Variants in TTC17 observed in about 807,000 individuals in gnomAD.
TTC17 encodes the protein tetratricopeptide repeat protein 17.
A neutral mutation model predicts 143.8 loss-of-function variants in TTC17; 58 were observed. The observed-to-expected ratio is 0.40, with a 90% CI of 0.33 to 0.50. TTC17 has a LOEUF of 0.50. TTC17 is among the 20% of genes least tolerant of loss of function. The pLI is 0.49. For missense variants in TTC17, 1,273 were observed against 1,392.5 expected (o/e 0.91, Z 1.37); for synonymous variants, 501 against 497.8 (o/e 1.01, Z -0.09).
At chr11:43,422,825 T>G in intron 16 of TTC17, among the ~76,000 whole-genome samples, 1 of 152,146 alleles carries the variant, frequency 6.6e-6, no homozygotes, top group East Asian at 1.9e-4. Flanking sequence ...CAAGCAACTC[T>G]TAAGTTTTGC....
At position 43,401,671 on chromosome 11, in the gene TTC17, T is replaced by G. The variant is rs910661206; in HGVS notation, c.1332+113T>G. 8.2e-6 allele frequency: 6 copies of G among 729,982 alleles called. No homozygotes were observed. In the South Asian group the frequency reaches 1.2e-4, roughly 15 times the overall value. The allele number at this position is 729,982 out of a possible 1,614,324, so 45.2% of individuals were successfully genotyped here. On this transcript the variant is annotated intron_variant, in intron 10 of 23. Transcript: ENST00000039989. The stretch of plus-strand genomic sequence containing the variant: ...ATATTTGATCCCTAAAATTTGTGAT[T>G]GTCATTTAGATCTTTAAGATTTTGA...
At position 43,359,015 on chromosome 11, in the gene TTC17, T is replaced by G; in HGVS notation, c.61T>G (p.Trp21Gly). 1 of 1,590,684 alleles carries G rather than the reference T, an allele frequency of 6.3e-7. No individual in the cohort carries two copies. Among genetic ancestry groups the G allele is most frequent in the Non-Finnish European group, 8.6e-7 (1 of 1,169,570 alleles). ...GCTGCCGCCTTGCTCCGGCCCAGGCTGGCTCCTCAGCCTTTCCGCCTTGCT... is the reference window on the plus strand; with the variant it reads ...GCTGCCGCCTTGCTCCGGCCCAGGCGGGCTCCTCAGCCTTTCCGCCTTGCT... The part of the protein sequence containing the change: ...YELPPCSGPG[W>G]LLSLSALLSV... The change falls in exon 1 of 24, where the codon TGG (tryptophan) becomes GGG (glycine). Residue 21 changes from tryptophan to glycine, a missense_variant. This residue lies in a region of TTC17 where 70 missense variants were observed against 48.5 expected (regional missense o/e 1.44). Transcript: ENST00000039989.
At chr11:43,443,160 T>C (rs1947460082) in intron 16 of TTC17, among the ~76,000 whole-genome samples, 165 bp from the exon 17 acceptor site, 1 of 152,202 alleles carries the variant, frequency 6.6e-6, no homozygotes, top group Non-Finnish European at 1.5e-5. Context: ...AGTTGGTATT[T>C]TATTATGTAT....
chr11:43,398,523 C>G (rs1674339985), intron 8 of TTC17, among the ~76,000 whole-genome samples: 2 of 152,082 alleles, frequency 1.3e-5, no homozygotes, highest in Admixed American at 1.3e-4. Flanking sequence ...TATTTCTCCT[C>G]TTGGAGAGAG....
intron 21 of TTC17, among the ~76,000 whole-genome samples, chr11:43,488,860 C>G (rs1202080692): frequency 1.3e-5 from 2 of 151,990 alleles, no homozygotes; most frequent in Non-Finnish European, 2.9e-5. Flanking sequence ...ACCATCATGC[C>G]CAGCTGTATT....
chr11:43,441,879 T>C (rs1947429313), intron 16 of TTC17, among the ~76,000 whole-genome samples: 1 of 152,218 alleles, frequency 6.6e-6, no homozygotes, highest in Non-Finnish European at 1.5e-5. Flanking sequence ...CTTGGGTTAC[T>C]GGGTTTGCAG....
intron 16 of TTC17, chr11:43,435,073 AAGATGATAGATAGAT>A (rs1453439202): frequency 4.8e-5 from 7 of 145,234 alleles, no homozygotes; most frequent in African/African-American, 1.8e-4. Context: ...ACACACAGAT[AAGATGATAGATAGAT>A]AGATAGATAG....
chr11:43,365,421 A>G (rs1163253669), intron 1 of TTC17, among the ~76,000 whole-genome samples: 5 of 152,090 alleles, frequency 3.3e-5, no homozygotes, highest in Admixed American at 2.6e-4. Context: ...GGCAAGTGCC[A>G]CCACACCCAG....
chr11:43,470,340 C>A (rs1457580663), intron 21 of TTC17, among the ~76,000 whole-genome samples: 2 of 152,122 alleles, frequency 1.3e-5, no homozygotes, highest in African/African-American at 4.8e-5. Flanking sequence ...TAGAAGGGAA[C>A]AAATCAATTT....
chr11:43,451,196 C>T lies in TTC17; in HGVS notation c.2961C>T (p.Leu987=), dbSNP rs11551137. 0.092 allele frequency: 148,916 copies of T among 1,612,502 alleles called. 8,772 individuals carry two copies. Among genetic ancestry groups the T allele is most frequent in the Admixed American group, 0.28 (16,976 of 59,970 alleles). Residue 987 remains leucine (L), a synonymous_variant, in exon 21 of 24, where the codon CTC becomes CTT. Transcript: ENST00000039989. ...CTTCCTTCCAGGTATTACAAAATCT[C>T]GGCAAAGACCAATATCCACAACAGT... ...ESQLTEVLQN[L]GKDQYPQQSL... is the part of the protein sequence containing the mutation.
intron 16 of TTC17, among the ~76,000 whole-genome samples, chr11:43,422,533 G>A (rs1351027158): frequency 1.3e-5 from 2 of 152,130 alleles, no homozygotes; most frequent in Non-Finnish European, 2.9e-5. Context: ...GGGTATTCTA[G>A]CCAACATTTA....
chr11:43,397,872 A>G (rs1857668402), intron 7 of TTC17, 102 bp from the exon 8 acceptor site: 5 of 1,489,064 alleles, frequency 3.4e-6, no homozygotes, highest in Non-Finnish European at 2.7e-6. Flanking sequence ...GGACAGATGC[A>G]ACCAGGCCGT....
chr11:43,459,980 G>A lies in TTC17; in HGVS notation c.3030+8715G>A, dbSNP rs144883532. On this transcript the variant is annotated intron_variant, in intron 21 of 23. Coordinates refer to ENST00000039989, the MANE Select transcript of TTC17 (RefSeq NM_018259.6). ...ATTCAACTTAATATTTTCAGCTTAC[G>A]ATGGGTTTATCAAGACATAACCCCA... 4.1e-4 allele frequency among the ~76,000 whole-genome samples: 63 copies of A among 152,274 alleles called. No individual in the cohort carries two copies. In the South Asian group the frequency reaches 0.011, roughly 26 times the overall value.
At chr11:43,415,737 A>C (rs929097910) in intron 16 of TTC17, among the ~76,000 whole-genome samples, 7 of 152,196 alleles carry the variant, frequency 4.6e-5, no homozygotes, top group African/African-American at 9.6e-5. Flanking sequence ...ATTTTAATAG[A>C]GTGATAGACG....
intron 21 of TTC17, among the ~76,000 whole-genome samples, chr11:43,451,558 C>G (rs1947657926): frequency 6.6e-6 from 1 of 152,134 alleles, no homozygotes; most frequent in African/African-American, 2.4e-5. Flanking sequence ...ACCATGGAAT[C>G]TAGGTATATG....
rs576646371 is a variant in TTC17, at chr11:43,435,178, G to A, written c.2252-8147G>A. The A allele has an allele frequency of 4.6e-5, 7 of 152,254 alleles. No homozygotes were observed. In the East Asian group the frequency reaches 7.7e-4, roughly 17 times the overall value. The allele number at this position is 152,254 out of a possible 1,614,324, so 9.4% of individuals were successfully genotyped here. A position where few individuals can be genotyped will look rare whatever the true frequency, so the allele number is the denominator to read the frequency against. On this transcript the variant is annotated intron_variant, in intron 16 of 23. Transcript: ENST00000039989. ...ATTCTCTAAAAATTAAACATAGAAT[G>A]TGTTTGAATGTTCTGGTAAAGGAGA... is the stretch of plus-strand genomic sequence containing the variant.
intron 16 of TTC17, chr11:43,436,090 T>C: frequency 8.3e-7 from 1 of 1,203,852 alleles, no homozygotes; most frequent in Non-Finnish European, 1.0e-6. Context: ...CTTCTTGATA[T>C]TTTAGGACCT....
intron 21 of TTC17, among the ~76,000 whole-genome samples, chr11:43,467,296 G>A (rs1947993142): frequency 6.6e-6 from 1 of 152,138 alleles, no homozygotes; most frequent in Non-Finnish European, 1.5e-5. Flanking sequence ...CAGATGAATG[G>A]ATAAACAAAA....
chr11:43,419,339 T>C (rs1167288877), intron 16 of TTC17, among the ~76,000 whole-genome samples: 1 of 152,260 alleles, frequency 6.6e-6, no homozygotes, highest in Non-Finnish European at 1.5e-5. Context: ...TCTATTCCAA[T>C]GTGCAGATGG....
Sources: gnomAD v4.1 joint callset for allele counts (sites outside exome capture counted in the v4.1 genomes callset) on GRCh38, gnomAD v4.1.1 for gene constraint, gnomAD v4.1.1 regional missense constraint, MANE v1.5 for transcripts, NCBI Gene and HGNC (gene_info 2026-07-23, HGNC 2026-07-21) for gene names.